The following PARN variants were observed in gnomAD, a reference collection of about 807,000 sequenced individuals.
PARN encodes poly(A)-specific ribonuclease PARN.
PARN carries 71 observed loss-of-function variants against 102.8 expected under a neutral mutation model. The ratio of observed to expected loss-of-function variants is 0.69; its 90% CI spans 0.57 to 0.84. The LOEUF is 0.84. Ranked by LOEUF, PARN falls within the 40% of genes least tolerant of loss-of-function variation. The probability of loss-of-function intolerance (pLI) is 0.00; values close to 1 mark genes in which losing one functional copy is unlikely to be tolerated. For missense variants in PARN, 782 were observed against 760.9 expected, an observed-to-expected ratio of 1.03 and a Z score of -0.33; for synonymous variants, 261 against 252.9, an observed-to-expected ratio of 1.03 and a Z score of -0.30.
chr16:14,438,725 A>G (rs1270049158), intron 23 of PARN, among the ~76,000 whole-genome samples: 1 of 152,232 alleles, frequency 6.6e-6, no homozygotes, highest in Non-Finnish European at 1.5e-5. Flanking sequence ...CTGATCCAAC[A>G]TGGAACATGG....
intron 22 of PARN, among the ~76,000 whole-genome samples, chr16:14,479,188 G>A (rs1274989839): frequency 1.3e-5 from 2 of 152,164 alleles, no homozygotes; most frequent in African/African-American, 4.8e-5. Context: ...GGAGGCCAAG[G>A]TAGGAGGTTG....
chr16:14,606,036 A>G (rs1971157130), intron 10 of PARN, among the ~76,000 whole-genome samples: 1 of 152,190 alleles, frequency 6.6e-6, no homozygotes, highest in Non-Finnish European at 1.5e-5. Flanking sequence ...ATTAGGCTTA[A>G]AGAGATCAAA....
At chr16:14,470,437 G>GATTATTATTATT (rs56768991) in intron 22 of PARN, among the ~76,000 whole-genome samples, 232 of 147,156 alleles carry the variant, frequency 1.6e-3, no homozygotes, top group African/African-American at 3.4e-3. Context: ...GAGTTTGGAT[G>GATTATTATTATT]ATTATTATTA....
chr16:14,534,144 G>A (rs565229625), intron 21 of PARN, among the ~76,000 whole-genome samples: 14 of 151,678 alleles, frequency 9.2e-5, no homozygotes, highest in South Asian at 2.1e-4. Flanking sequence ...ATCTGAGCCC[G>A]GGAGGTCAAG....
At chr16:14,606,588 T>C in intron 9 of PARN, 62 bp from the exon 10 acceptor site, 1 of 853,270 alleles carries the variant, frequency 1.2e-6, no homozygotes. Context: ...CCCAAAGTAT[T>C]TTATAAGCAA....
intron 21 of PARN, among the ~76,000 whole-genome samples, chr16:14,507,697 G>A (rs893060932): frequency 4.6e-5 from 7 of 152,116 alleles, no homozygotes; most frequent in Non-Finnish European, 8.8e-5. Context: ...GAGGCCAAGT[G>A]AAATTCTAGA....
chr16:14,524,665 C>A (rs970337672), intron 21 of PARN, among the ~76,000 whole-genome samples: 1 of 152,086 alleles, frequency 6.6e-6, no homozygotes, highest in Non-Finnish European at 1.5e-5. Flanking sequence ...TATAATTTCC[C>A]AAACATTATT....
At chr16:14,503,093 C>T (rs2151627594) in intron 21 of PARN, among the ~76,000 whole-genome samples, 1 of 152,248 alleles carries the variant, frequency 6.6e-6, no homozygotes, top group African/African-American at 2.4e-5. Context: ...CCCCTGAGTG[C>T]TCCTATCCAC....
chr16:14,592,993 G>C (rs1024583352), intron 13 of PARN, among the ~76,000 whole-genome samples: 4 of 151,996 alleles, frequency 2.6e-5, no homozygotes, highest in Non-Finnish European at 5.9e-5. Context: ...AAAAGTAGCT[G>C]GGCGTGGTGA....
At chr16:14,544,505 G>A (rs1020871845) in intron 21 of PARN, among the ~76,000 whole-genome samples, 8 of 152,180 alleles carry the variant, frequency 5.3e-5, no homozygotes, top group African/African-American at 1.2e-4. Context: ...AAGCCAGGAG[G>A]TGGAGGTTGC....
At chr16:14,481,703 G>C (rs1356340300) in intron 22 of PARN, among the ~76,000 whole-genome samples, 1 of 152,114 alleles carries the variant, frequency 6.6e-6, no homozygotes, top group Non-Finnish European at 1.5e-5. Context: ...AACAGTGATT[G>C]CTTCTGGGTG....
chr16:14,584,220 GC>G (rs1374465965), intron 16 of PARN, 126 bp downstream of exon 16: 1 of 631,420 alleles, frequency 1.6e-6, no homozygotes, highest in African/African-American at 1.8e-5. Context: ...CACGGTACGT[GC>G]AAGTGAATTC....
chr16:14,523,258 A>C (rs1028195158), intron 21 of PARN, among the ~76,000 whole-genome samples: 3 of 144,192 alleles, frequency 2.1e-5, no homozygotes, highest in Admixed American at 6.9e-5. Flanking sequence ...CACACACACA[A>C]ACTATACATA....
In PARN at chr16:14,523,557, G is replaced by A. The variant is rs372942603; in HGVS notation, c.1480+28464C>T. Among the ~76,000 whole-genome samples the A allele has an allele frequency of 1.4e-4, 22 of 152,188 alleles. No individual in the cohort carries two copies. The East Asian group carries it at 2.1e-3, about 15-fold the overall frequency. On this transcript the variant is annotated intron_variant, in intron 21 of 23. Transcript: ENST00000437198. ...TCTCTGCTTTCTGCCCCATTTCTCC[G>A]AACACAGTCAGAGAAGTCTATCCTC...
At chr16:14,438,451 G>GT (rs1247915721) in intron 23 of PARN, among the ~76,000 whole-genome samples, 3 of 149,072 alleles carry the variant, frequency 2.0e-5, no homozygotes, top group South Asian at 2.1e-4. Context: ...TGGGGGGGGG[G>GT]GTGTGTGAGT....
intron 18 of PARN, among the ~76,000 whole-genome samples, chr16:14,558,983 G>A (rs1041072466): frequency 2.6e-5 from 4 of 152,078 alleles, no homozygotes; most frequent in Middle Eastern, 3.4e-3. Context: ...TTAATCTTTC[G>A]TATACTGTGC....
chr16:14,500,140 C>T (rs1286732587), intron 21 of PARN, among the ~76,000 whole-genome samples: 1 of 152,174 alleles, frequency 6.6e-6, no homozygotes, highest in African/African-American at 2.4e-5. Flanking sequence ...ACTGCAGCCT[C>T]AACTTCCCAG....
At chr16:14,461,036 G>T (rs1357588573) in intron 22 of PARN, among the ~76,000 whole-genome samples, 1 of 152,168 alleles carries the variant, frequency 6.6e-6, no homozygotes, top group Non-Finnish European at 1.5e-5. Context: ...AAGTGATGAG[G>T]ATGGCACTTC....
chr16:14,627,063 C>A (rs779938050), intron 5 of PARN, 43 bp downstream of exon 5: 1 of 1,087,712 alleles, frequency 9.2e-7, no homozygotes, highest in Admixed American at 1.9e-5. Flanking sequence ...CATGCTGCCT[C>A]ATCAGCAATT....
Sources: allele counts gnomAD v4.1 joint callset (sites outside exome capture counted in the v4.1 genomes callset), GRCh38; gene constraint gnomAD v4.1.1; transcripts MANE v1.5; gene names NCBI Gene and HGNC (gene_info 2026-07-23, HGNC 2026-07-21).